Variants in PLXNC1 observed in about 807,000 individuals in gnomAD.
PLXNC1 encodes plexin-C1.
PLXNC1 carries 75 observed loss-of-function variants against 178.2 expected under a neutral mutation model. The ratio of observed to expected loss-of-function variants is 0.42; its 90% confidence interval spans 0.35 to 0.51. The LOEUF is 0.51. PLXNC1 is among the 20% of genes least tolerant of loss of function. The pLI, the probability that PLXNC1 is intolerant of heterozygous loss-of-function variation, is 0.02. For synonymous variants in PLXNC1, 790 were observed against 779.9 expected (o/e 1.01, Z -0.22); for missense variants, 1,503 against 1,984.4 (o/e 0.76, Z 4.61).
chr12:94,198,129 A>G (rs1962986468), intron 4 of PLXNC1, among the ~76,000 whole-genome samples: 2 of 152,160 alleles, frequency 1.3e-5, no homozygotes, highest in Admixed American at 1.3e-4. Context: ...ATCAACCCAA[A>G]TGCCCATCCA....
chr12:94,251,461 G>A lies in PLXNC1; in HGVS notation c.2814G>A (p.Gln938=). 6.2e-7 allele frequency: 1 copy of A among 1,613,656 alleles called. No homozygotes were observed. Among genetic ancestry groups the A allele is most frequent in the Non-Finnish European group, 8.5e-7 (1 of 1,179,522 alleles). The stretch of plus-strand genomic sequence containing the variant: ...GAAACCTGGAGCTCTACGTCGAGCA[G>A]GAGTCAGTTCCTTCCACATGGTATT... ...KLGNLELYVE[Q]ESVPSTWYFL... Residue 938 remains glutamine, a synonymous_variant, in exon 15 of 31, where the codon CAG becomes CAA. Transcript: ENST00000258526.
intron 9 of PLXNC1, chr12:94,227,495 A>T (rs1963978705): frequency 3.2e-6 from 1 of 312,822 alleles, no homozygotes; most frequent in Middle Eastern, 1.1e-3. Context: ...TGTAAAGGTG[A>T]CTTTGCGGCT....
In PLXNC1 at chr12:94,237,783, C is replaced by T. The variant is rs1163809833; in HGVS notation, c.2100C>T (p.Thr700=). Residue 700 remains threonine (T), a synonymous_variant, in exon 10 of 31, where the codon ACC becomes ACT. Transcript: ENST00000258526. ...ACATCACAATGATCCTGAAAGGAACCAGTACCTGTGATAAGGATGTGTGAG... is the reference window on the plus strand; with the variant it reads ...ACATCACAATGATCCTGAAAGGAACTAGTACCTGTGATAAGGATGTGTGAG... ...ASNITMILKG[T]STCDKDVIQV... is the part of the protein sequence containing the mutation. 1.9e-6 allele frequency: 3 copies of T among 1,613,806 alleles called. No individual in the cohort carries two copies. The highest frequency in any genetic ancestry group is 2.5e-6 in the Non-Finnish European group (3 of 1,179,920).
chr12:94,150,026 G>A lies in PLXNC1; in HGVS notation c.1055G>A (p.Ser352Asn). The part of the protein sequence containing the change: ...RVSWDFKTAE[S>N]HCKEGDQPER... The stretch of plus-strand genomic sequence containing the variant: ...AGCTGGGACTTCAAGACGGCCGAGA[G>A]CCACTGCGTAAGTCCTGCCCCCGGG... Residue 352 changes from serine (S) to asparagine (N), a missense_variant, in exon 1 of 31, where the codon AGC (serine) becomes AAC (asparagine). By Grantham distance (46) the Ser-to-Asn change is conservative. Coordinates refer to ENST00000258526, the MANE Select transcript of PLXNC1 (RefSeq NM_005761.3). The A allele has an allele frequency of 6.3e-7, 1 of 1,591,852 alleles. No individual in the cohort carries two copies. Among genetic ancestry groups the A allele is most frequent in the Non-Finnish European group, 8.5e-7 (1 of 1,170,746 alleles).
intron 23 of PLXNC1, among the ~76,000 whole-genome samples, chr12:94,289,845 C>T (rs1023268000): frequency 1.6e-4 from 24 of 152,124 alleles, no homozygotes; most frequent in African/African-American, 5.1e-4. Context: ...CTCACACATA[C>T]GCGCTCACAC....
At chr12:94,295,024 T>C (rs541864042) in intron 24 of PLXNC1, among the ~76,000 whole-genome samples, 1 of 152,320 alleles carries the variant, frequency 6.6e-6, no homozygotes, top group South Asian at 2.1e-4. Context: ...GGAACTTTTA[T>C]GGGAAAGTCA....
intron 2 of PLXNC1, among the ~76,000 whole-genome samples, chr12:94,176,796 A>G (rs1962064931): frequency 6.6e-6 from 1 of 152,096 alleles, no homozygotes; most frequent in South Asian, 2.1e-4. Context: ...GAAACATAAA[A>G]CACAGTAAAC....
intron 23 of PLXNC1, chr12:94,282,942 C>CA (rs1966556973): frequency 1.3e-5 from 2 of 153,506 alleles, no homozygotes; most frequent in Non-Finnish European, 2.9e-5. Context: ...CGTGACTTCT[C>CA]AGAGATCTGA....
At chr12:94,212,260 C>T (rs1329558886) in intron 5 of PLXNC1, among the ~76,000 whole-genome samples, 1 of 106,898 alleles carries the variant, frequency 9.4e-6, no homozygotes, top group Non-Finnish European at 1.7e-5. Context: ...GGCGACAGAG[C>T]GAGACTCCGT....
intron 30 of PLXNC1, among the ~76,000 whole-genome samples, chr12:94,304,922 C>T (rs1215162123): frequency 1.3e-5 from 2 of 152,208 alleles, no homozygotes; most frequent in African/African-American, 2.4e-5. Context: ...ATGCATAAAG[C>T]AGGGCCTAGG....
intron 1 of PLXNC1, chr12:94,150,967 G>C (rs909259081): frequency 6.6e-6 from 1 of 152,180 alleles, no homozygotes; most frequent in African/African-American, 2.4e-5. Context: ...AGTTCAAGAG[G>C]GTCCAGTTGA....
chr12:94,274,219 T>A (rs1384242905), intron 21 of PLXNC1, among the ~76,000 whole-genome samples: 1 of 145,456 alleles, frequency 6.9e-6, no homozygotes, highest in Non-Finnish European at 1.5e-5. Context: ...GCACCTGTAG[T>A]CTCTGCTATG....
intron 2 of PLXNC1, among the ~76,000 whole-genome samples, chr12:94,179,118 G>A (rs11107427): frequency 0.015 from 2,278 of 152,284 alleles, 23 homozygotes; most frequent in Non-Finnish European, 0.023. Flanking sequence ...AAGTGAATGC[G>A]GGAAGTTGCT....
At chr12:94,276,035 A>T (rs1965932986) in intron 21 of PLXNC1, among the ~76,000 whole-genome samples, 1 of 152,194 alleles carries the variant, frequency 6.6e-6, no homozygotes, top group Non-Finnish European at 1.5e-5. Flanking sequence ...TGGCAGATTT[A>T]CATTATTTTA....
At chr12:94,191,612 TGTCTCTACTAAA>T in intron 4 of PLXNC1, among the ~76,000 whole-genome samples, 1 of 151,938 alleles carries the variant, frequency 6.6e-6, no homozygotes, top group Non-Finnish European at 1.5e-5. Flanking sequence ...GGTGAAACCC[TGTCTCTACTAAA>T]AATACAAAAA....
chr12:94,167,514 A>G (rs944537307), intron 1 of PLXNC1, among the ~76,000 whole-genome samples: 2 of 152,196 alleles, frequency 1.3e-5, no homozygotes, highest in African/African-American at 2.4e-5. Context: ...CTTACGTTTG[A>G]ACAATTCTGG....
At chr12:94,169,965 C>T (rs562626110) in intron 2 of PLXNC1, among the ~76,000 whole-genome samples, 4 of 152,292 alleles carry the variant, frequency 2.6e-5, no homozygotes, top group African/African-American at 9.6e-5. Context: ...TACCAAATGA[C>T]TTGTCTGAAG....
intron 27 of PLXNC1, among the ~76,000 whole-genome samples, chr12:94,300,110 G>A (rs1183936360): frequency 1.3e-5 from 2 of 152,242 alleles, no homozygotes; most frequent in Non-Finnish European, 2.9e-5. Flanking sequence ...GGGCCAAGCA[G>A]TTAGTTGCTG....
At chr12:94,191,828 A>G (rs1174017117) in intron 4 of PLXNC1, among the ~76,000 whole-genome samples, 1 of 151,982 alleles carries the variant, frequency 6.6e-6, no homozygotes. Context: ...TAGATAAACA[A>G]TGAGCTCTAA....
Sources: gnomAD v4.1 joint callset for allele counts (sites outside exome capture counted in the v4.1 genomes callset) on GRCh38, gnomAD v4.1.1 for gene constraint, MANE v1.5 for transcripts, NCBI Gene and HGNC (gene_info 2026-07-23, HGNC 2026-07-21) for gene names.